Variants in EYA3 observed in about 807,000 individuals in gnomAD.
EYA3 encodes the protein EYA transcriptional coactivator and phosphatase 3, also known as protein phosphatase EYA3.
A neutral mutation model predicts 80.0 loss-of-function variants in EYA3; 39 were observed. That is an observed-to-expected ratio of 0.49 (90% CI 0.38 to 0.64). The LOEUF is 0.64. Ranked by LOEUF, EYA3 falls within the 30% of genes least tolerant of loss-of-function variation. The pLI is 0.00. For synonymous variants in EYA3, 206 were observed against 232.8 expected (o/e 0.88, Z 1.05); for missense variants, 523 against 676.1 (o/e 0.77, Z 2.51).
At chr1:28,065,068 C>T (rs1206905696) in intron 1 of EYA3, among the ~76,000 whole-genome samples, 1 of 152,182 alleles carries the variant, frequency 6.6e-6, no homozygotes, top group Non-Finnish European at 1.5e-5. Flanking sequence ...CACTGCAAGA[C>T]CCCCAGTTGA....
chr1:27,975,483 C>A (rs1241016260), intron 17 of EYA3, among the ~76,000 whole-genome samples: 9 of 144,968 alleles, frequency 6.2e-5, no homozygotes, highest in Non-Finnish European at 1.5e-5. Context: ...TGCCTGGAGG[C>A]CATATTTTTT....
At chr1:27,999,651 AG>A (rs1215485600) in intron 12 of EYA3, among the ~76,000 whole-genome samples, 1 of 151,918 alleles carries the variant, frequency 6.6e-6, no homozygotes, top group Non-Finnish European at 1.5e-5. Context: ...TTATTAAGTT[AG>A]AATATTGGTT....
chr1:28,006,975 C>CT (rs1415121231), intron 10 of EYA3, among the ~76,000 whole-genome samples: 29 of 124,916 alleles, frequency 2.3e-4, no homozygotes, highest in African/African-American at 8.9e-4. Context: ...GAGTGTCGCT[C>CT]TGTCACCCAG....
At chr1:28,052,628 G>C (rs1030222414) in intron 2 of EYA3, among the ~76,000 whole-genome samples, 1 of 152,166 alleles carries the variant, frequency 6.6e-6, no homozygotes, top group Non-Finnish European at 1.5e-5. Context: ...ACTCTTAGGA[G>C]AATATGTATG....
intron 1 of EYA3, among the ~76,000 whole-genome samples, chr1:28,084,733 C>T (rs1398009121): frequency 6.7e-6 from 1 of 148,366 alleles, no homozygotes; most frequent in African/African-American, 2.5e-5. Flanking sequence ...CTCAGTCTCC[C>T]GAGTAGCTGG....
At chr1:28,053,745 G>A (rs188383966) in intron 2 of EYA3, among the ~76,000 whole-genome samples, 12 of 152,240 alleles carry the variant, frequency 7.9e-5, no homozygotes, top group East Asian at 7.7e-4. Context: ...AAAACAAAGC[G>A]CTATGTAATT....
At chr1:27,983,770 C>G (rs945635474) in intron 16 of EYA3, among the ~76,000 whole-genome samples, 1 of 152,168 alleles carries the variant, frequency 6.6e-6, no homozygotes, top group Non-Finnish European at 1.5e-5. Context: ...ATTCTCCTGC[C>G]TCAGTCTCCC....
chr1:27,973,722 C>T lies in EYA3; in HGVS notation c.*744G>A, dbSNP rs1433377505. The T allele has an allele frequency of 6.6e-6, 1 of 152,180 alleles. No individual in the cohort carries two copies. Among genetic ancestry groups the T allele is most frequent in the Non-Finnish European group, 1.5e-5 (1 of 68,042 alleles). 9.4% of individuals were successfully genotyped at this position (152,180 alleles called of 1,614,324 possible). On this transcript the variant is annotated 3_prime_UTR_variant, in exon 18 of 18. Coordinates refer to ENST00000373871, the MANE Select transcript of EYA3 (RefSeq NM_001990.4). ...GGAGATAGAAGAACAGGAAAGGTAT[C>T]ATCCTAGAGAGCAGACCACTGGAGC...
At chr1:27,977,952 G>A (rs1639046070) in intron 17 of EYA3, among the ~76,000 whole-genome samples, 1 of 152,058 alleles carries the variant, frequency 6.6e-6, no homozygotes, top group Admixed American at 6.6e-5. Context: ...AGGGCTCAAA[G>A]GCAGGAAAGA....
At position 28,013,568 on chromosome 1, in the gene EYA3, G is replaced by C. The variant is rs1007619026; in HGVS notation, c.586-274C>G. The stretch of plus-strand genomic sequence containing the variant: ...CTGTACTCTCATAAACATACACATG[G>C]TGTCCCTTTTTGTACTCTAACAGCC... On this transcript the variant is annotated intron_variant, in intron 8 of 17. Transcript: ENST00000373871. This position sits in a 1 kb window ranked among gnomAD's most constrained non-coding sequence, Gnocchi z 4.0. Among the ~76,000 whole-genome samples the C allele has an allele frequency of 3.3e-5, 5 of 152,048 alleles. No homozygotes were observed. The highest frequency in any genetic ancestry group is 1.2e-4 in the African/African-American group (5 of 41,378).
chr1:28,025,271 T>C (rs1642706665), intron 7 of EYA3, among the ~76,000 whole-genome samples: 2 of 152,296 alleles, frequency 1.3e-5, no homozygotes, highest in South Asian at 4.2e-4. Context: ...ATTTCTACCC[T>C]GTGCTAATGA....
chr1:28,050,288 G>A (rs1644197794), intron 2 of EYA3, among the ~76,000 whole-genome samples: 2 of 151,220 alleles, frequency 1.3e-5, no homozygotes, highest in Non-Finnish European at 1.5e-5. Flanking sequence ...TGTCTCCCGG[G>A]TTCAAGCAGT....
chr1:28,061,433 G>A (rs1644619712), intron 1 of EYA3, among the ~76,000 whole-genome samples: 1 of 152,022 alleles, frequency 6.6e-6, no homozygotes, highest in African/African-American at 2.4e-5. Flanking sequence ...TTCCACAAGT[G>A]GTGCATGCTA....
In EYA3 at chr1:27,997,389, A is replaced by G. The variant is rs748533605; in HGVS notation, c.1084-11T>C. 2 of 1,613,066 alleles carry G rather than the reference A, an allele frequency of 1.2e-6. No individual in the cohort carries two copies. Among genetic ancestry groups the G allele is most frequent in the Non-Finnish European group, 1.7e-6 (2 of 1,179,120 alleles). On this transcript the variant is annotated splice_polypyrimidine_tract_variant and intron_variant, in intron 12 of 17. Transcript: ENST00000373871. ...TACCTGGTCACACTCCTGTTAAAAG[A>G]CAAAACATATTACTTCAGTCCAGGG...
chr1:28,025,275 C>T lies in EYA3; in HGVS notation c.499+2514G>A, dbSNP rs549892855. Among the ~76,000 whole-genome samples the T allele has an allele frequency of 3.3e-5, 5 of 152,170 alleles. No homozygotes were observed. In the South Asian group the frequency reaches 1.0e-3, roughly 32 times the overall value. On this transcript the variant is annotated intron_variant, in intron 7 of 17. Transcript: ENST00000373871. ...CTTCTGCCTTAATTTCTACCCTGTG[C>T]TAATGAACAATAAAATGGGCCAATA...
chr1:28,011,023 G>A lies in EYA3; in HGVS notation c.833C>T (p.Ser278Phe). The A allele has an allele frequency of 6.2e-7, 1 of 1,613,994 alleles. No individual in the cohort carries two copies. The highest frequency in any genetic ancestry group is 8.5e-7 in the Non-Finnish European group (1 of 1,179,982). ...GTTCTTGCTAGTCATGTTTTTCCTG[G>A]ACTGATCATCAGTATCTTTACTTGG... The part of the protein sequence containing the change: ...TTPSKDTDDQ[S>F]RKNMTSKNRG... Residue 278 changes from serine to phenylalanine, a missense_variant, in exon 10 of 18, where the codon TCC becomes TTC. Around this residue, in one of 2 missense-constraint regions of EYA3, gnomAD observed 304 missense variants for 343.3 expected, o/e 0.89. Coordinates refer to ENST00000373871, the MANE Select transcript of EYA3 (RefSeq NM_001990.4).
rs1485249532 is a variant in EYA3 at position 28,004,383 on chromosome 1, T to C, written c.946A>G (p.Ile316Val). ...FLWDLDETII[I>V]FHSLLTGSYA... ...GATCCAGTAAGAAGTGAGTGGAAGA[T>C]GATGATGGTTTCATCCAAGTCCCAC... The change falls in exon 11 of 18, where the codon ATC (isoleucine) becomes GTC (valine). Residue 316 changes from isoleucine (I) to valine (V), a missense_variant. Coordinates refer to ENST00000373871, the MANE Select transcript of EYA3 (RefSeq NM_001990.4). The C allele has an allele frequency of 1.9e-6, 3 of 1,608,482 alleles. No homozygotes were observed. Among genetic ancestry groups the C allele is most frequent in the Admixed American group, 3.3e-5 (2 of 59,898 alleles).
intron 1 of EYA3, among the ~76,000 whole-genome samples, chr1:28,071,470 T>A (rs576928300): frequency 6.6e-6 from 1 of 152,342 alleles, no homozygotes; most frequent in African/African-American, 2.4e-5. Flanking sequence ...TTTAACTTTG[T>A]AACACTGTGC....
At position 28,056,052 on chromosome 1, in the gene EYA3, A is replaced by G. The variant is rs1474233615; in HGVS notation, c.33+1942T>C. On this transcript the variant is annotated intron_variant, in intron 2 of 17. Coordinates refer to ENST00000373871, the MANE Select transcript of EYA3 (RefSeq NM_001990.4). ...TCTTCCTGTTCTATTTTAAACATTAATAAGTATTGTGTTTTCATAGATTCT... is the reference window on the plus strand; with the variant it reads ...TCTTCCTGTTCTATTTTAAACATTAGTAAGTATTGTGTTTTCATAGATTCT... Among the ~76,000 whole-genome samples, 3 of 152,038 alleles carry G rather than the reference A, an allele frequency of 2.0e-5. 1 individual carries two copies. The highest frequency in any genetic ancestry group is 4.4e-5 in the Non-Finnish European group (3 of 67,992).
Sources: allele counts gnomAD v4.1 joint callset (sites outside exome capture counted in the v4.1 genomes callset), GRCh38; gene constraint gnomAD v4.1.1; regional missense constraint gnomAD v4.1.1; non-coding constraint Gnocchi (gnomAD v3.1); transcripts MANE v1.5; gene names NCBI Gene and HGNC (gene_info 2026-07-23, HGNC 2026-07-21).